The following RANBP17 variants were observed in gnomAD, a reference collection of about 807,000 sequenced individuals.
RANBP17 encodes the protein RAN binding protein 17.
Under a neutral mutation model 141.2 loss-of-function variants are expected in RANBP17, and 158 were observed. The ratio of observed to expected loss-of-function variants is 1.12; its 90% confidence interval spans 0.98 to 1.28. The LOEUF (loss-of-function observed/expected upper bound fraction) is 1.28. Among genes scored for constraint, RANBP17 ranks in the 50% most tolerant of loss-of-function variants. The pLI is 0.00. For synonymous variants in RANBP17, 430 were observed against 450.0 expected, an observed-to-expected ratio of 0.96 and a Z score of 0.56; for missense variants, 1,438 against 1,290.7, an observed-to-expected ratio of 1.11 and a Z score of -1.75.
At chr5:171,045,996 C>T (rs1400172546) in intron 14 of RANBP17, among the ~76,000 whole-genome samples, 2 of 152,146 alleles carry the variant, frequency 1.3e-5, no homozygotes, top group Non-Finnish European at 2.9e-5. Flanking sequence ...TGGTTTCTTT[C>T]ACTCAGCACA....
chr5:171,256,038 TGTG>T (rs1210120636), intron 24 of RANBP17, among the ~76,000 whole-genome samples: 1 of 143,602 alleles, frequency 7.0e-6, no homozygotes, highest in Non-Finnish European at 1.5e-5. Context: ...ATATGGGTCT[TGTG>T]GTAACCATCG....
In RANBP17 at chr5:171,205,624, A is replaced by T. The variant is rs1324398210; in HGVS notation, c.2231+12A>T. ...CTGTTTGACTGGATGTATCCTTATT[A>T]CACTGTGACAATACCAGCTCTGTGC... On this transcript the variant is annotated intron_variant, in intron 20 of 27. Transcript: ENST00000523189. 6.2e-7 allele frequency: 1 copy of T among 1,601,986 alleles called. No homozygotes were observed. Among genetic ancestry groups the T allele is most frequent in the Non-Finnish European group, 8.6e-7 (1 of 1,169,146 alleles).
intron 14 of RANBP17, among the ~76,000 whole-genome samples, chr5:171,072,786 A>G (rs1463258258): frequency 2.0e-5 from 3 of 152,176 alleles, no homozygotes; most frequent in Non-Finnish European, 4.4e-5. Context: ...AGAAACCTAT[A>G]TGCAAATGTT....
chr5:171,088,960 G>C (rs1785946032), intron 14 of RANBP17, among the ~76,000 whole-genome samples: 1 of 151,644 alleles, frequency 6.6e-6, no homozygotes, highest in African/African-American at 2.4e-5. Context: ...TCTTCTCTCA[G>C]CTCGTCAAAG....
Position 171,125,460 on chromosome 5 carries a change from A to G in RANBP17, c.1711-44670A>G, listed in dbSNP as rs377481577. Among the ~76,000 whole-genome samples, 4 of 152,260 alleles carry G rather than the reference A, an allele frequency of 2.6e-5. No individual in the cohort carries two copies. The East Asian group carries it at 7.7e-4, about 29-fold the overall frequency. ...AAATGATAAAGAGATGAGTGCAACA[A>G]AAGGATATAATAGTTGTAAATATAT... On this transcript the variant is annotated intron_variant, in intron 14 of 27. Transcript: ENST00000523189.
At chr5:171,036,235 A>G (rs1218457061) in intron 14 of RANBP17, among the ~76,000 whole-genome samples, 1 of 152,024 alleles carries the variant, frequency 6.6e-6, no homozygotes, top group Non-Finnish European at 1.5e-5. Context: ...CTTTATGTCC[A>G]TGAGTACTCA....
intron 14 of RANBP17, chr5:171,028,875 A>T: frequency 7.8e-7 from 1 of 1,277,976 alleles, no homozygotes; most frequent in South Asian, 1.2e-5. Flanking sequence ...TGCACAGAAG[A>T]CAGACATCTT....
At position 170,918,734 on chromosome 5, in the gene RANBP17, T is replaced by G. The variant is rs762850165; in HGVS notation, c.976T>G (p.Tyr326Asp). ...NPQGLSDPGN[Y>D]HEFCRFLARL... ...TTAGGGTTTGTCTGATCCAGGTAATTATCATGAATTTTGTCGATTTTTGGC... is the reference window on the plus strand; with the variant it reads ...TTAGGGTTTGTCTGATCCAGGTAATGATCATGAATTTTGTCGATTTTTGGC... Residue 326 changes from tyrosine to aspartate, a missense_variant, in exon 10 of 28, where the codon TAT (tyrosine) becomes GAT (aspartate). Transcript: ENST00000523189. 6.2e-7 allele frequency: 1 copy of G among 1,606,276 alleles called. No individual in the cohort carries two copies. Among genetic ancestry groups the G allele is most frequent in the South Asian group, 1.1e-5 (1 of 89,826 alleles).
chr5:171,257,312 A>G (rs1277835699), intron 24 of RANBP17, among the ~76,000 whole-genome samples: 1 of 152,254 alleles, frequency 6.6e-6, no homozygotes, highest in Non-Finnish European at 1.5e-5. Flanking sequence ...ACAAAAACCC[A>G]TATCGTCATC....
chr5:170,930,338 T>G (rs1239708381), intron 12 of RANBP17, among the ~76,000 whole-genome samples: 2 of 151,830 alleles, frequency 1.3e-5, no homozygotes, highest in African/African-American at 4.8e-5. Flanking sequence ...AAACATTACT[T>G]TAGTTGCATC....
At chr5:171,272,281 A>G (rs1387377787) in intron 25 of RANBP17, among the ~76,000 whole-genome samples, 13 of 152,232 alleles carry the variant, frequency 8.5e-5, no homozygotes, top group African/African-American at 3.1e-4. Flanking sequence ...TCTGTACACC[A>G]GACCCCTGTG....
chr5:170,863,416 T>G (rs922441948), intron 1 of RANBP17: 1 of 135,666 alleles, frequency 7.4e-6, no homozygotes, highest in East Asian at 2.3e-4. Context: ...TTGGCTGATT[T>G]ATTGATTCTT....
At chr5:171,222,657 C>T (rs1236495985) in intron 22 of RANBP17, among the ~76,000 whole-genome samples, 1 of 152,008 alleles carries the variant, frequency 6.6e-6, no homozygotes, top group Non-Finnish European at 1.5e-5. Context: ...GACGGAGTCT[C>T]ACTCTGACAC....
At chr5:170,956,648 C>G (rs1185261957) in intron 13 of RANBP17, among the ~76,000 whole-genome samples, 1 of 151,874 alleles carries the variant, frequency 6.6e-6, no homozygotes, top group East Asian at 2.0e-4. Flanking sequence ...TGGGGTTTCT[C>G]CATGTTGGTC....
intron 12 of RANBP17, among the ~76,000 whole-genome samples, chr5:170,948,093 C>T (rs1774907870): frequency 6.6e-6 from 1 of 152,164 alleles, no homozygotes; most frequent in African/African-American, 2.4e-5. Flanking sequence ...AAGGTGACAT[C>T]AAGTAAGACT....
chr5:171,232,967 A>G (rs944626023), intron 22 of RANBP17, among the ~76,000 whole-genome samples: 10 of 152,162 alleles, frequency 6.6e-5, no homozygotes, highest in African/African-American at 2.4e-4. Context: ...TCATTCAACA[A>G]ATGTGTAATA....
At chr5:171,199,573 G>A (rs967341564) in intron 18 of RANBP17, 97 bp from the exon 19 acceptor site, 12 of 656,024 alleles carry the variant, frequency 1.8e-5, no homozygotes, top group East Asian at 2.9e-5. Context: ...ACCCCTTCTC[G>A]GGAATATTTC....
intron 3 of RANBP17, among the ~76,000 whole-genome samples, chr5:170,884,936 G>A (rs541947480): frequency 1.3e-5 from 2 of 151,414 alleles, no homozygotes; most frequent in East Asian, 1.9e-4. Flanking sequence ...TGTTTCTTTT[G>A]TTAGATTCCC....
chr5:171,182,484 C>A (rs1235785764), intron 16 of RANBP17, among the ~76,000 whole-genome samples: 1 of 152,220 alleles, frequency 6.6e-6, no homozygotes, highest in Admixed American at 6.5e-5. Context: ...CACTGTCAAT[C>A]CATGGCTGTA....
Sources: gnomAD v4.1 joint callset for allele counts (sites outside exome capture counted in the v4.1 genomes callset) on GRCh38, gnomAD v4.1.1 for gene constraint, MANE v1.5 for transcripts, NCBI Gene and HGNC (gene_info 2026-07-23, HGNC 2026-07-21) for gene names.